The following PTPRT variants were observed in gnomAD, a reference collection of about 807,000 sequenced individuals.
PTPRT encodes protein tyrosine phosphatase receptor type T.
In PTPRT, 56 loss-of-function variants were observed where a neutral mutation model predicts 176.8. The ratio of observed to expected loss-of-function variants is 0.32; its 90% CI spans 0.26 to 0.40. The LOEUF (loss-of-function observed/expected upper bound fraction) is 0.40, where lower values mean the gene tolerates loss of function less well. Among genes scored for constraint, PTPRT ranks in the 10% least tolerant of loss-of-function variants. PTPRT has a pLI of 1.00. For synonymous variants in PTPRT, 783 were observed against 739.0 expected (o/e 1.06, Z -0.96); for missense variants, 1,540 against 1,908.2 (o/e 0.81, Z 3.60).
chr20:42,197,835 T>A (rs1363375099), intron 16 of PTPRT, among the ~76,000 whole-genome samples: 1 of 152,178 alleles, frequency 6.6e-6, no homozygotes, highest in Non-Finnish European at 1.5e-5. Context: ...AAAGGGTATA[T>A]GAGTATTCAT....
intron 14 of PTPRT, among the ~76,000 whole-genome samples, chr20:42,243,785 C>A (rs759887774): frequency 6.6e-6 from 1 of 152,164 alleles, no homozygotes; most frequent in Non-Finnish European, 1.5e-5. Context: ...CCAAAACGTT[C>A]ACCAACTCAC....
At chr20:42,085,357 A>G (rs2072913) in intron 28 of PTPRT, among the ~76,000 whole-genome samples, 57,651 of 151,990 alleles carry the variant, frequency 0.38, 11,169 homozygotes, top group Middle Eastern at 0.5. Flanking sequence ...GAAGTAAGTA[A>G]TCACTTTTCA....
chr20:42,618,527 G>A (rs1345816447), intron 7 of PTPRT, among the ~76,000 whole-genome samples: 2 of 133,888 alleles, frequency 1.5e-5, no homozygotes, highest in Non-Finnish European at 3.1e-5. Context: ...TCTGTCTAAT[G>A]TTGACAGGGG....
chr20:42,917,751 A>C (rs1324411760), intron 1 of PTPRT, among the ~76,000 whole-genome samples: 2 of 152,180 alleles, frequency 1.3e-5, no homozygotes, highest in Non-Finnish European at 2.9e-5. Context: ...CTGATAAAAA[A>C]ACAAAGTGCC....
chr20:42,114,420 A>C (rs963850892), intron 22 of PTPRT, among the ~76,000 whole-genome samples: 1 of 152,256 alleles, frequency 6.6e-6, no homozygotes. Flanking sequence ...ATGATATAAT[A>C]GTAATGATAG....
At chr20:42,714,933 G>C (rs1367147959) in intron 6 of PTPRT, among the ~76,000 whole-genome samples, 1 of 152,342 alleles carries the variant, frequency 6.6e-6, no homozygotes, top group South Asian at 2.1e-4. Context: ...GAAAAGAGTG[G>C]TTGATGCAGG....
chr20:42,675,791 A>G (rs1311569354), intron 7 of PTPRT, among the ~76,000 whole-genome samples: 4 of 152,198 alleles, frequency 2.6e-5, no homozygotes, highest in African/African-American at 9.6e-5. Context: ...CCTATACACC[A>G]CATTTTATTT....
chr20:42,233,548 C>T (rs1196053672), intron 15 of PTPRT, among the ~76,000 whole-genome samples: 1 of 152,126 alleles, frequency 6.6e-6, no homozygotes, highest in Non-Finnish European at 1.5e-5. Flanking sequence ...TTCCTATTCT[C>T]CCCTCCTGTA....
the PTPRT span, among the ~76,000 whole-genome samples, chr20:42,057,373 C>T: frequency 6.6e-6 from 1 of 152,026 alleles, no homozygotes; most frequent in Non-Finnish European, 1.5e-5. Flanking sequence ...GTGGCTGGAT[C>T]ACAGGGTTTG....
In PTPRT at chr20:42,373,918, G is replaced by A. The variant is rs192577005; in HGVS notation, c.1561-21633C>T. Among the ~76,000 whole-genome samples, 3 of 152,302 alleles carry A rather than the reference G, an allele frequency of 2.0e-5. No individual in the cohort carries two copies. In the East Asian group the frequency reaches 5.8e-4, roughly 29 times the overall value. On this transcript the variant is annotated intron_variant, in intron 9 of 30. Transcript: ENST00000373187. ...GCCAATGAAGCACCTCACAGCATGA[G>A]TCATGCAGGAACCAGGCGGAGAACC...
intron 27 of PTPRT, among the ~76,000 whole-genome samples, chr20:42,086,753 A>ATATATATATATATATATATAT (rs60067837): frequency 1.0e-5 from 1 of 95,532 alleles, no homozygotes; most frequent in Admixed American, 1.0e-4. Context: ...AAAAAAAAAA[A>ATATATATATATATATATATAT]ATATATATAT....
At position 42,200,815 on chromosome 20, in the gene PTPRT, T is replaced by C. The variant is rs189884953; in HGVS notation, c.2343-1427A>G. On this transcript the variant is annotated intron_variant, in intron 15 of 30. Coordinates refer to ENST00000373187, the MANE Select transcript of PTPRT (RefSeq NM_007050.6). ...TGAGAGTAAATTTCTCCAAGTCTCTTACTCCATCCTTCACAACAGTAGGCT... is the reference window on the plus strand; with the variant it reads ...TGAGAGTAAATTTCTCCAAGTCTCTCACTCCATCCTTCACAACAGTAGGCT... Among the ~76,000 whole-genome samples the C allele has an allele frequency of 4.5e-3, 687 of 152,346 alleles. 3 individuals carry two copies. Among genetic ancestry groups the C allele is most frequent in the Non-Finnish European group, 6.9e-3 (471 of 68,032 alleles).
At chr20:42,199,948 C>T (rs1053514368) in intron 15 of PTPRT, among the ~76,000 whole-genome samples, 7 of 151,812 alleles carry the variant, frequency 4.6e-5, no homozygotes, top group African/African-American at 1.5e-4. Context: ...AATAAAAGAC[C>T]CTCAGAACCA....
At chr20:43,093,785 G>A (rs2011987435) in intron 1 of PTPRT, among the ~76,000 whole-genome samples, 1 of 152,130 alleles carries the variant, frequency 6.6e-6, no homozygotes, top group Non-Finnish European at 1.5e-5. Context: ...CCTTGACCCA[G>A]TATGTACCAG....
intron 11 of PTPRT, among the ~76,000 whole-genome samples, chr20:42,348,822 G>A (rs1396215576): frequency 3.9e-5 from 6 of 152,038 alleles, no homozygotes; most frequent in African/African-American, 2.4e-5. Context: ...GTAGAGTTGC[G>A]CTATTCCTTT....
chr20:42,202,690 T>C (rs1991501076), intron 15 of PTPRT, among the ~76,000 whole-genome samples: 1 of 152,218 alleles, frequency 6.6e-6, no homozygotes, highest in South Asian at 2.1e-4. Context: ...TCTGCTCACA[T>C]TGCCCCAGCA....
intron 15 of PTPRT, among the ~76,000 whole-genome samples, chr20:42,208,461 A>T (rs1600678207): frequency 6.6e-6 from 1 of 152,206 alleles, no homozygotes; most frequent in South Asian, 2.1e-4. Context: ...TACCAAGCAA[A>T]TGGAAAACAA....
intron 6 of PTPRT, among the ~76,000 whole-genome samples, chr20:42,724,255 T>C (rs549161751): frequency 3.3e-5 from 5 of 152,318 alleles, no homozygotes; most frequent in Middle Eastern, 3.4e-3. Flanking sequence ...TGAAAATGCA[T>C]CAACACCAGC....
At chr20:42,748,523 G>A (rs1006263373) in intron 6 of PTPRT, among the ~76,000 whole-genome samples, 8 of 152,256 alleles carry the variant, frequency 5.3e-5, no homozygotes, top group South Asian at 4.1e-4. Flanking sequence ...TGCCACCAAG[G>A]AGGCAGGAGC....
Sources: allele counts gnomAD v4.1 joint callset (sites outside exome capture counted in the v4.1 genomes callset), GRCh38; gene constraint gnomAD v4.1.1; transcripts MANE v1.5; gene names NCBI Gene and HGNC (gene_info 2026-07-23, HGNC 2026-07-21).